FAM184A: variants seen among roughly 807,000 people sequenced by gnomAD.
FAM184A encodes the protein family with sequence similarity 184 member A.
FAM184A carries 99 observed loss-of-function variants against 143.8 expected under a neutral mutation model. That is an observed-to-expected ratio of 0.69 (90% CI 0.58 to 0.81). The LOEUF is 0.81. Ranked by LOEUF, FAM184A falls within the 40% of genes least tolerant of loss-of-function variation. The pLI is 0.00. For synonymous variants in FAM184A, 427 were observed against 446.4 expected (o/e 0.96, Z 0.55); for missense variants, 1,217 against 1,310.5 (o/e 0.93, Z 1.10).
At chr6:119,101,681 C>G (rs1355643866) in intron 1 of FAM184A, among the ~76,000 whole-genome samples, 5 of 152,156 alleles carry the variant, frequency 3.3e-5, no homozygotes, top group Non-Finnish European at 7.3e-5. Context: ...TCATATGAAT[C>G]TTTTGTATTC....
chr6:119,006,221 A>C (rs767983088), intron 7 of FAM184A: 1 of 758,286 alleles, frequency 1.3e-6, no homozygotes, highest in Non-Finnish European at 2.4e-6. Flanking sequence ...TTAGGAAGGA[A>C]CATAGCTGTG....
chr6:119,144,124 G>A (rs929204630), intron 1 of FAM184A, among the ~76,000 whole-genome samples: 9 of 151,268 alleles, frequency 5.9e-5, no homozygotes, highest in African/African-American at 2.2e-4. Context: ...TCAGAAGATC[G>A]AGACCATCCT....
intron 1 of FAM184A, among the ~76,000 whole-genome samples, chr6:119,144,045 C>G (rs1200407686): frequency 1.3e-5 from 2 of 151,782 alleles, no homozygotes; most frequent in African/African-American, 4.8e-5. Context: ...TTTCCTCATT[C>G]AAGGAAATAT....
At chr6:119,129,763 A>C (rs147903214) in intron 1 of FAM184A, among the ~76,000 whole-genome samples, 17 of 152,002 alleles carry the variant, frequency 1.1e-4, no homozygotes, top group African/African-American at 4.1e-4. Flanking sequence ...ACTTATTTGC[A>C]TAAAAGACTA....
At position 119,015,356 on chromosome 6, in the gene FAM184A, G is replaced by A. The variant is rs555418066; in HGVS notation, c.1530+1391C>T. Among the ~76,000 whole-genome samples, 203 of 152,232 alleles carry A rather than the reference G, an allele frequency of 1.3e-3. 1 individual carries two copies. The highest frequency in any genetic ancestry group is 4.8e-3 in the African/African-American group (198 of 41,562). On this transcript the variant is annotated intron_variant, in intron 5 of 17. Transcript: ENST00000338891. The stretch of plus-strand genomic sequence containing the variant: ...GCACAAGCAGGAATTGAGGCTGCAC[G>A]CAGCACTTGCGGGCCAGCTGGAGTT...
chr6:119,037,245 G>A (rs1419972749), intron 1 of FAM184A, among the ~76,000 whole-genome samples: 1 of 152,108 alleles, frequency 6.6e-6, no homozygotes, highest in Admixed American at 6.5e-5. Flanking sequence ...CTTAAATCAG[G>A]GTTCATCTTA....
At chr6:119,002,516 G>A (rs1372301942) in intron 9 of FAM184A, among the ~76,000 whole-genome samples, 1 of 152,092 alleles carries the variant, frequency 6.6e-6, no homozygotes, top group Non-Finnish European at 1.5e-5. Flanking sequence ...TTTTTGGTAA[G>A]TGGTTTTAGG....
chr6:119,049,278 T>C (rs1002129346), intron 1 of FAM184A, among the ~76,000 whole-genome samples: 15 of 152,030 alleles, frequency 9.9e-5, no homozygotes, highest in Non-Finnish European at 2.2e-4. Context: ...TAAAACCCCA[T>C]CTCTACTAAA....
At chr6:119,042,431 T>G (rs1339698031) in intron 1 of FAM184A, among the ~76,000 whole-genome samples, 1 of 151,894 alleles carries the variant, frequency 6.6e-6, no homozygotes, top group East Asian at 1.9e-4. Flanking sequence ...GGAAATTACT[T>G]CTAAACTTCC....
chr6:119,128,287 C>T (rs1291740053), intron 1 of FAM184A, among the ~76,000 whole-genome samples: 1 of 152,084 alleles, frequency 6.6e-6, no homozygotes, highest in Non-Finnish European at 1.5e-5. Context: ...GTCACAAAGA[C>T]CATCTTAAAT....
intron 1 of FAM184A, among the ~76,000 whole-genome samples, chr6:119,141,825 G>C (rs963562345): frequency 6.6e-6 from 1 of 152,178 alleles, no homozygotes; most frequent in Non-Finnish European, 1.5e-5. Context: ...AGAGCTGCAT[G>C]TTGTGGAAAG....
intron 1 of FAM184A, among the ~76,000 whole-genome samples, chr6:119,102,997 C>A (rs1788685282): frequency 6.6e-6 from 1 of 152,034 alleles, no homozygotes; most frequent in Admixed American, 6.6e-5. Context: ...TTCATCTGTT[C>A]TTCATGCAAT....
intron 2 of FAM184A, 140 bp from the exon 3 acceptor site, chr6:119,023,220 G>A (rs976171436): frequency 1.1e-5 from 9 of 829,142 alleles, no homozygotes; most frequent in South Asian, 5.8e-5. Context: ...GTAAGTATTA[G>A]TGATTTATAA....
At chr6:119,100,774 TG>T (rs1284390508) in intron 1 of FAM184A, among the ~76,000 whole-genome samples, 1 of 151,978 alleles carries the variant, frequency 6.6e-6, no homozygotes, top group Non-Finnish European at 1.5e-5. Flanking sequence ...CTGGCCAATA[TG>T]TCGAAACCTC....
chr6:119,024,119 G>A lies in FAM184A; in HGVS notation c.854C>T (p.Ala285Val). Residue 285 changes from alanine to valine, a missense_variant, in exon 2 of 18, where the codon GCT becomes GTT. Ala to Val is a moderately conservative substitution (Grantham distance 64). Transcript: ENST00000338891. The part of the protein sequence containing the change: ...ESLQASKEKE[A>V]DLRKEFQGQE... ...TCCCTGAAATTCTTTTCTAAGATCA[G>A]CTTCCTTTTCTTTGCTGGCCTGTAG... 1 of 1,614,060 alleles carries A rather than the reference G, an allele frequency of 6.2e-7. No homozygotes were observed. Among genetic ancestry groups the A allele is most frequent in the East Asian group, 2.2e-5 (1 of 44,880 alleles).
In FAM184A at chr6:118,960,119, C is replaced by A. The variant is rs371190313; in HGVS notation, c.3407G>T (p.Arg1136Leu). 9 of 1,613,022 alleles carry A rather than the reference C, an allele frequency of 5.6e-6. No individual in the cohort carries two copies. In the South Asian group the frequency reaches 8.8e-5, roughly 16 times the overall value. Residue 1136 changes from arginine (R) to leucine (L), a missense_variant, in exon 18 of 18, where the codon CGG (arginine) becomes CTG (leucine). By Grantham distance (102) the Arg-to-Leu change is moderately radical. Coordinates refer to ENST00000338891, the MANE Select transcript of FAM184A (RefSeq NM_024581.6). ...ACAATTCTTTCAGAATGTGAAGTAC[C>A]GGGCAAACCACTCCTGGCGCTGGGG... ...PDPQRQEWFARYFTF is the reference protein window; with the variant it reads ...PDPQRQEWFALYFTF
chr6:119,072,482 A>G (rs2114790994), intron 1 of FAM184A, among the ~76,000 whole-genome samples: 1 of 152,382 alleles, frequency 6.6e-6, no homozygotes, highest in Middle Eastern at 3.4e-3. Flanking sequence ...ATATAGAATT[A>G]TTATGAAAGA....
At chr6:119,060,651 A>T (rs1429576341) in intron 1 of FAM184A, among the ~76,000 whole-genome samples, 1 of 152,120 alleles carries the variant, frequency 6.6e-6, no homozygotes, top group Non-Finnish European at 1.5e-5. Flanking sequence ...CCAGTGTTGG[A>T]GGTGGGGCCT....
chr6:119,027,459 T>C (rs1013327030), intron 1 of FAM184A, among the ~76,000 whole-genome samples: 14 of 152,184 alleles, frequency 9.2e-5, no homozygotes, highest in Admixed American at 8.5e-4. Flanking sequence ...ACTTTTGTAA[T>C]TTCCTGTGCG....
Sources: gnomAD v4.1 joint callset for allele counts (sites outside exome capture counted in the v4.1 genomes callset) on GRCh38, gnomAD v4.1.1 for gene constraint, MANE v1.5 for transcripts, NCBI Gene and HGNC (gene_info 2026-07-23, HGNC 2026-07-21) for gene names.